Variants in CD99L2 observed in about 807,000 individuals in gnomAD.
CD99L2 encodes the protein CD99 molecule like 2, also known as CD99 antigen-like protein 2.
CD99L2 carries 24 observed loss-of-function variants against 27.3 expected under a neutral mutation model. The observed-to-expected ratio is 0.88, with a 90% CI of 0.64 to 1.24. The LOEUF is 1.24. Ranked by LOEUF, CD99L2 falls within the 50% of genes most tolerant of loss-of-function variation. The pLI, the probability that CD99L2 is intolerant of heterozygous loss-of-function variation, is 0.00. For synonymous variants in CD99L2, 97 were observed against 87.9 expected, an observed-to-expected ratio of 1.10 and a Z score of -0.58; for missense variants, 255 against 221.6, an observed-to-expected ratio of 1.15 and a Z score of -0.96.
chrX:150,840,505 G>A (rs1297153604), intron 1 of CD99L2, among the ~76,000 whole-genome samples: 6 of 110,805 alleles, frequency 5.4e-5, no homozygotes, highest in African/African-American at 2.0e-4. Context: ...AACCTCCTGG[G>A]TTCAAGTGAT....
chrX:150,863,053 C>T (rs782746903), intron 1 of CD99L2, among the ~76,000 whole-genome samples: 8 of 112,060 alleles, frequency 7.1e-5, no homozygotes, highest in African/African-American at 1.6e-4. Context: ...CTTACAATTA[C>T]GTATATTCTA....
chrX:150,825,857 G>GT (rs1391147091), intron 2 of CD99L2, among the ~76,000 whole-genome samples: 1 of 112,194 alleles, frequency 8.9e-6, no homozygotes, highest in Non-Finnish European at 1.9e-5. Flanking sequence ...GTGATTCTCT[G>GT]TAATATCGTG....
At chrX:150,783,722 A>G (rs112825672) in intron 7 of CD99L2, among the ~76,000 whole-genome samples, 3 of 112,479 alleles carry the variant, frequency 2.7e-5, no homozygotes, top group African/African-American at 9.7e-5. Context: ...GAGTGAGCCC[A>G]GCATATGGGC....
At chrX:150,818,199 C>CAAATATATATATAT (rs1330665475) in intron 2 of CD99L2, among the ~76,000 whole-genome samples, 82 of 30,627 alleles carry the variant, frequency 2.7e-3, no homozygotes, top group African/African-American at 4.6e-3. Context: ...AACAAGTAGG[C>CAAATATATATATAT]AGATATATAT....
At chrX:150,792,757 A>G (rs1557419748) in intron 7 of CD99L2, among the ~76,000 whole-genome samples, 1 of 112,349 alleles carries the variant, frequency 8.9e-6, no homozygotes, top group African/African-American at 3.2e-5. Flanking sequence ...CTATCACAAC[A>G]GATTATAATC....
chrX:150,861,186 C>T (rs1399906099), intron 1 of CD99L2, among the ~76,000 whole-genome samples: 3 of 106,011 alleles, frequency 2.8e-5, no homozygotes, highest in Non-Finnish European at 1.9e-5. Context: ...ACCATACTGC[C>T]TAAAGCAATA....
chrX:150,887,571 T>C (rs1377763213), intron 1 of CD99L2, among the ~76,000 whole-genome samples: 3 of 106,779 alleles, frequency 2.8e-5, no homozygotes, highest in African/African-American at 1.0e-4. Context: ...CCTTGAGGGT[T>C]AATCCAAACT....
chrX:150,894,809 G>A (rs989293473), intron 1 of CD99L2, among the ~76,000 whole-genome samples: 3 of 110,148 alleles, frequency 2.7e-5, no homozygotes, highest in African/African-American at 6.6e-5. Context: ...GGCTGGTCTC[G>A]AACTCCTGAG....
chrX:150,791,449 C>T (rs1373483601), intron 7 of CD99L2, among the ~76,000 whole-genome samples: 2 of 110,686 alleles, frequency 1.8e-5, no homozygotes, highest in African/African-American at 3.3e-5. Context: ...ATGAATGAGA[C>T]CAGTCAATGA....
At chrX:150,824,595 A>G (rs782089403) in intron 2 of CD99L2, among the ~76,000 whole-genome samples, 1 of 100,383 alleles carries the variant, frequency 1.0e-5, no homozygotes, top group Non-Finnish European at 2.0e-5. Flanking sequence ...GGAGGAGAAG[A>G]AGAAGGAGGA....
At chrX:150,793,573 C>A (rs1197131700) in intron 7 of CD99L2, 118 bp downstream of exon 7, 6 of 560,435 alleles carry the variant, frequency 1.1e-5, no homozygotes, top group Non-Finnish European at 1.7e-5. Flanking sequence ...CCCCAACTGG[C>A]AGGCTGGGAT....
intron 4 of CD99L2, among the ~76,000 whole-genome samples, chrX:150,805,739 G>A (rs782523791): frequency 9.0e-6 from 1 of 111,442 alleles, no homozygotes; most frequent in Non-Finnish European, 1.9e-5. Context: ...TGATATATAC[G>A]GTGACTCGGA....
chrX:150,884,303 C>T (rs1371131752), intron 1 of CD99L2, among the ~76,000 whole-genome samples: 2 of 111,851 alleles, frequency 1.8e-5, no homozygotes, highest in Non-Finnish European at 3.8e-5. Flanking sequence ...GATGATACTG[C>T]ATGTCACATA....
chrX:150,861,141 C>CAAAAAAAAAAAAAAAAAAAAAAA (rs782255590), intron 1 of CD99L2, among the ~76,000 whole-genome samples: 3 of 40,916 alleles, frequency 7.3e-5, no homozygotes, highest in Non-Finnish European at 9.4e-5. Context: ...GACTCTGTCT[C>CAAAAAAAAAAAAAAAAAAAAAAA]AAAAAAAAAA....
intron 9 of CD99L2, among the ~76,000 whole-genome samples, chrX:150,773,616 C>A (rs2043499850): frequency 8.9e-6 from 1 of 112,373 alleles, no homozygotes; most frequent in Admixed American, 9.4e-5. Context: ...ATCCCTGGAA[C>A]CTGTGAACAT....
rs782212707 is a variant in CD99L2, at chrX:150,777,823, G to C, written c.497-341C>G. ...CTGCACTAGCGGCCTCACCATAAGT[G>C]GGGGGTGGGGTGGGGTGCTGTGCCG... On this transcript the variant is annotated intron_variant, in intron 7 of 10. Coordinates refer to ENST00000370377, the MANE Select transcript of CD99L2 (RefSeq NM_031462.4). 1.1e-4 allele frequency among the ~76,000 whole-genome samples: 12 copies of C among 112,183 alleles called. No individual in the cohort carries two copies. In the East Asian group the frequency reaches 3.4e-3, roughly 32 times the overall value.
At chrX:150,769,605 GGC>G (rs2043379006) in intron 10 of CD99L2, among the ~76,000 whole-genome samples, 1 of 109,526 alleles carries the variant, frequency 9.1e-6, no homozygotes, top group South Asian at 3.7e-4. Flanking sequence ...TGGTCTCCCA[GGC>G]CCAGTCCCCA....
intron 2 of CD99L2, among the ~76,000 whole-genome samples, chrX:150,817,214 T>TAAAA (rs2046174807): frequency 9.6e-6 from 1 of 104,060 alleles, no homozygotes; most frequent in Non-Finnish European, 2.0e-5. Context: ...AAAATAAAAA[T>TAAAA]AAATAAATAA....
Position 150,784,678 on chromosome X carries a change from A to G in CD99L2, c.497-7196T>C, listed in dbSNP as rs531974993. Among the ~76,000 whole-genome samples the G allele has an allele frequency of 5.3e-5, 6 of 112,677 alleles. No individual in the cohort carries two copies. The South Asian group carries it at 2.2e-3, about 41-fold the overall frequency. On this transcript the variant is annotated intron_variant, in intron 7 of 10. Coordinates refer to ENST00000370377, the MANE Select transcript of CD99L2 (RefSeq NM_031462.4). Reference sequence around the variant, plus strand: ...TCAGCAGGCTCACCCTGGCTTCGCCAATCAAAAGTATCACTCTAGCCTTCA... The same window carrying G: ...TCAGCAGGCTCACCCTGGCTTCGCCGATCAAAAGTATCACTCTAGCCTTCA...
Sources: gnomAD v4.1 joint callset for allele counts (sites outside exome capture counted in the v4.1 genomes callset) on GRCh38, gnomAD v4.1.1 for gene constraint, MANE v1.5 for transcripts, NCBI Gene and HGNC (gene_info 2026-07-23, HGNC 2026-07-21) for gene names.